The following CELF5 variants were observed in gnomAD, a reference collection of about 807,000 sequenced individuals.
CELF5 encodes the protein CUGBP Elav-like family member 5, also known as CUG-BP and ETR-3 like factor 5.
A neutral mutation model predicts 54.9 loss-of-function variants in CELF5; 6 were observed. The observed-to-expected ratio is 0.11, with a 90% confidence interval of 0.06 to 0.22. CELF5 has a LOEUF of 0.22. CELF5 is among the 10% of genes least tolerant of loss of function. The probability of loss-of-function intolerance (pLI) is 1.00; values close to 1 mark genes in which losing one functional copy is unlikely to be tolerated. For synonymous variants in CELF5, 271 were observed against 290.9 expected (o/e 0.93, Z 0.70); for missense variants, 401 against 678.6 (o/e 0.59, Z 4.54).
chr19:3,284,877 A>T, intron 8 of CELF5, 25 bp from the exon 9 acceptor site: 1 of 1,609,278 alleles, frequency 6.2e-7, no homozygotes, highest in Middle Eastern at 1.7e-4. Flanking sequence ...CTCCCGCCCC[A>T]CTCAGCCCCT....
At chr19:3,289,346 A>G (rs1183317238) in intron 10 of CELF5, among the ~76,000 whole-genome samples, 2 of 152,144 alleles carry the variant, frequency 1.3e-5, no homozygotes, top group Non-Finnish European at 2.9e-5. Flanking sequence ...GGTTGAGCCC[A>G]GGAGTTCCAG....
chr19:3,230,899 A>G (rs1366796819), intron 1 of CELF5, among the ~76,000 whole-genome samples: 1 of 152,200 alleles, frequency 6.6e-6, no homozygotes, highest in Non-Finnish European at 1.5e-5. Context: ...TGTGAAGCAC[A>G]GGAGGAGATC....
chr19:3,285,898 C>T (rs766824844), intron 9 of CELF5, 44 bp from the exon 10 acceptor site: 150 of 1,379,312 alleles, frequency 1.1e-4, no homozygotes, highest in Non-Finnish European at 1.4e-4. Context: ...GCCCACGTGG[C>T]CTCACGCCCC....
intron 1 of CELF5, among the ~76,000 whole-genome samples, chr19:3,232,239 C>T (rs1223229745): frequency 6.6e-6 from 1 of 152,140 alleles, no homozygotes; most frequent in Non-Finnish European, 1.5e-5. Flanking sequence ...GTTCACAGAG[C>T]AGTTGTCAAA....
chr19:3,246,529 C>T (rs2079569770), intron 1 of CELF5, among the ~76,000 whole-genome samples: 1 of 151,796 alleles, frequency 6.6e-6, no homozygotes, highest in Non-Finnish European at 1.5e-5. Context: ...CATAGCAAGA[C>T]CCCATCTCTA....
chr19:3,237,050 C>G (rs1269464216), intron 1 of CELF5, among the ~76,000 whole-genome samples: 1 of 149,322 alleles, frequency 6.7e-6, no homozygotes, highest in South Asian at 2.1e-4. Context: ...TGGTGGCTCA[C>G]GCCTGTAATC....
intron 1 of CELF5, among the ~76,000 whole-genome samples, chr19:3,240,608 G>A (rs190944167): frequency 1.1e-4 from 16 of 151,998 alleles, no homozygotes; most frequent in South Asian, 4.2e-4. Flanking sequence ...GATTACAGAC[G>A]TGAGCCACTG....
At chr19:3,258,592 GAT>G (rs368001629) in intron 2 of CELF5, among the ~76,000 whole-genome samples, 1 of 151,570 alleles carries the variant, frequency 6.6e-6, no homozygotes, top group Non-Finnish European at 1.5e-5. Context: ...AGGATTTGGG[GAT>G]ATATATATAT....
At position 3,293,154 on chromosome 19, in the gene CELF5, A is replaced by G. The variant is rs554423495; in HGVS notation, c.1331-165A>G. Reference sequence around the variant, plus strand: ...ATACAAGTCCAGAGGTGTCAGAACAAAGCCAGGGCTGCTGTGTGTCCTCCA... The same window carrying G: ...ATACAAGTCCAGAGGTGTCAGAACAGAGCCAGGGCTGCTGTGTGTCCTCCA... On this transcript the variant is annotated intron_variant, in intron 11 of 12. Coordinates refer to ENST00000292672, the MANE Select transcript of CELF5 (RefSeq NM_021938.4). Among the ~76,000 whole-genome samples the G allele has an allele frequency of 3.9e-5, 6 of 152,234 alleles. No homozygotes were observed. The East Asian group carries it at 7.7e-4, about 20-fold the overall frequency.
chr19:3,259,170 G>A lies in CELF5; in HGVS notation c.342+8103G>A, dbSNP rs559149513. Reference sequence around the variant, plus strand: ...AAAACTTACCAAGATTTGGAGGCCAGAACATGCCCAGTGTGCTGTTGAGTG... The same window carrying A: ...AAAACTTACCAAGATTTGGAGGCCAAAACATGCCCAGTGTGCTGTTGAGTG... On this transcript the variant is annotated intron_variant, in intron 2 of 12. Coordinates refer to ENST00000292672, the MANE Select transcript of CELF5 (RefSeq NM_021938.4). 5.9e-5 allele frequency among the ~76,000 whole-genome samples: 9 copies of A among 152,302 alleles called. No individual in the cohort carries two copies. In the East Asian group the frequency reaches 1.7e-3, roughly 29 times the overall value.
intron 1 of CELF5, among the ~76,000 whole-genome samples, chr19:3,244,967 CGTGT>C: frequency 9.8e-6 from 1 of 102,154 alleles, no homozygotes; most frequent in East Asian, 3.1e-4. Flanking sequence ...ATCTTGTCTG[CGTGT>C]GTGTGTGCAT....
rs979200318 is a variant in CELF5, at chr19:3,285,994, G to A, written c.1155G>A (p.Pro385=). 5.1e-6 allele frequency: 8 copies of A among 1,581,166 alleles called. No individual in the cohort carries two copies. Among genetic ancestry groups the A allele is most frequent in the Non-Finnish European group, 6.0e-6 (7 of 1,171,296 alleles). ...ITPIAHSVPQ[P]PPLLQQQQRE... ...CCATCGCGCACAGCGTCCCCCAGCC[G>A]CCGCCCCTCCTGCAGCAGCAGCAGC... Residue 385 remains proline (P), a synonymous_variant, in exon 10 of 13, where the codon CCG becomes CCA. Transcript: ENST00000292672.
At chr19:3,264,813 T>A (rs748073172) in intron 2 of CELF5, among the ~76,000 whole-genome samples, 4 of 151,734 alleles carry the variant, frequency 2.6e-5, no homozygotes, top group Non-Finnish European at 5.9e-5. Flanking sequence ...GCCTCCCTGA[T>A]TCAAAATCTT....
Position 3,228,695 on chromosome 19 carries a change from G to T in CELF5, c.259+3697G>T, listed in dbSNP as rs557462219. Among the ~76,000 whole-genome samples, 15 of 151,864 alleles carry T rather than the reference G, an allele frequency of 9.9e-5. No individual in the cohort carries two copies. The highest frequency in any genetic ancestry group is 2.4e-4 in the African/African-American group (10 of 41,344). ...CCAGCTGCCGGCTCGACTCGGGAGGGGGGGAGGAGGAGGCTGTAGCAGGCT... is the reference window on the plus strand; with the variant it reads ...CCAGCTGCCGGCTCGACTCGGGAGGTGGGGAGGAGGAGGCTGTAGCAGGCT... On this transcript the variant is annotated intron_variant, in intron 1 of 12. Transcript: ENST00000292672. This position sits in a 1 kb window ranked among gnomAD's most constrained non-coding sequence, Gnocchi z 6.0.
intron 1 of CELF5, among the ~76,000 whole-genome samples, chr19:3,238,184 C>T (rs955479880): frequency 2.6e-5 from 4 of 151,940 alleles, no homozygotes; most frequent in Admixed American, 2.6e-4. Context: ...GCGAAACCCC[C>T]TCTCTACTAA....
At chr19:3,226,121 A>AC (rs1916893900) in intron 1 of CELF5, among the ~76,000 whole-genome samples, 1 of 144,840 alleles carries the variant, frequency 6.9e-6, no homozygotes, top group Non-Finnish European at 1.5e-5. Flanking sequence ...TGTGCTGGAC[A>AC]CCCCCGGCCC....
chr19:3,284,123 C>T (rs1276661417), intron 8 of CELF5, among the ~76,000 whole-genome samples: 1 of 107,166 alleles, frequency 9.3e-6, no homozygotes, highest in African/African-American at 3.0e-5. Flanking sequence ...GTTGGGATCA[C>T]AAGTGTGAGC....
rs538336972 is a variant in CELF5 at position 3,266,103 on chromosome 19, C to T, written c.343-7769C>T. On this transcript the variant is annotated intron_variant, in intron 2 of 12. Coordinates refer to ENST00000292672, the MANE Select transcript of CELF5 (RefSeq NM_021938.4). ...ATTACAGGCGTGAGCGCACCACGCC[C>T]GACCCCCACTTTTAATTACATTTAA... Among the ~76,000 whole-genome samples, 22 of 152,230 alleles carry T rather than the reference C, an allele frequency of 1.4e-4. No homozygotes were observed. The East Asian group carries it at 2.7e-3, about 19-fold the overall frequency.
intron 2 of CELF5, among the ~76,000 whole-genome samples, chr19:3,273,030 C>G (rs2079991646): frequency 6.6e-6 from 1 of 152,042 alleles, no homozygotes; most frequent in Non-Finnish European, 1.5e-5. Context: ...AACAATGAAT[C>G]CAGATGGCAG....
Sources: allele counts gnomAD v4.1 joint callset (sites outside exome capture counted in the v4.1 genomes callset), GRCh38; gene constraint gnomAD v4.1.1; non-coding constraint Gnocchi (gnomAD v3.1); transcripts MANE v1.5; gene names NCBI Gene and HGNC (gene_info 2026-07-23, HGNC 2026-07-21).